The following WFDC13 variants were observed in gnomAD, a reference collection of about 807,000 sequenced individuals.
WFDC13 encodes the protein WAP four-disulfide core domain 13, also known as WAP four-disulfide core domain protein 13.
A neutral mutation model predicts 10.9 loss-of-function variants in WFDC13; 6 were observed. That is an observed-to-expected ratio of 0.55 (90% confidence interval 0.30 to 1.09). The LOEUF (loss-of-function observed/expected upper bound fraction) is 1.09, where lower values mean the gene tolerates loss of function less well. Among genes scored for constraint, WFDC13 ranks in the 50% least tolerant of loss-of-function variants. The probability of loss-of-function intolerance (pLI) is 0.06; values close to 1 mark genes in which losing one functional copy is unlikely to be tolerated. For synonymous variants in WFDC13, 38 were observed against 39.5 expected, an observed-to-expected ratio of 0.96 and a Z score of 0.14; for missense variants, 104 against 109.6, an observed-to-expected ratio of 0.95 and a Z score of 0.23.
Position 45,702,139 on chromosome 20 carries a change from C to T in WFDC13, c.16C>T (p.Pro6Ser). The change falls in exon 1 of 4, where the codon CCT becomes TCT. Residue 6 changes from proline (P) to serine (S), a missense_variant. Transcript: ENST00000305479. MKPVLPLQFLVVFCLA... is the reference protein window; with the variant it reads MKPVLSLQFLVVFCLA... ...CACTGACACCATGAAGCCTGTGCTGCCTCTCCAGTTCCTGGTGGTGTTCTG... is the reference window on the plus strand; with the variant it reads ...CACTGACACCATGAAGCCTGTGCTGTCTCTCCAGTTCCTGGTGGTGTTCTG... 6.2e-7 allele frequency: 1 copy of T among 1,613,292 alleles called. No homozygotes were observed. The highest frequency in any genetic ancestry group is 8.5e-7 in the Non-Finnish European group (1 of 1,179,692).
intron 3 of WFDC13, among the ~76,000 whole-genome samples, chr20:45,707,472 A>C (rs932273168): frequency 1.3e-5 from 2 of 152,082 alleles, no homozygotes; most frequent in Non-Finnish European, 2.9e-5. Context: ...GAATTACAAT[A>C]AAATAAAATA....
chr20:45,704,948 ATTTGTCCTACAC>A (rs768247886), intron 2 of WFDC13: 1 of 1,613,796 alleles, frequency 6.2e-7, no homozygotes, highest in African/African-American at 1.3e-5. Context: ...CCAAAGCAAA[ATTTGTCCTACAC>A]TTTTGCTTGC....
At chr20:45,707,671 C>T (rs1034696361) in intron 3 of WFDC13, among the ~76,000 whole-genome samples, 187 bp from the exon 4 acceptor site, 3 of 152,166 alleles carry the variant, frequency 2.0e-5, no homozygotes, top group Non-Finnish European at 4.4e-5. Flanking sequence ...AGAGGACACC[C>T]TCTATGACAG....
rs751647034 is a variant in WFDC13 at position 45,704,955 on chromosome 20, C to G, written c.239+361C>G. ...CCAAAATCCCAAAGCAAAATTTGTC[C>G]TACACTTTTGCTTGCCCTCCTTTCA... is the stretch of plus-strand genomic sequence containing the variant. On this transcript the variant is annotated intron_variant, in intron 2 of 3. Coordinates refer to ENST00000305479, the MANE Select transcript of WFDC13 (RefSeq NM_172005.2). 3.1e-6 allele frequency: 5 copies of G among 1,614,002 alleles called. No individual in the cohort carries two copies. In the Admixed American group the frequency reaches 6.7e-5, roughly 22 times the overall value.
At chr20:45,707,530 C>T (rs1825162008) in intron 3 of WFDC13, among the ~76,000 whole-genome samples, 2 of 152,082 alleles carry the variant, frequency 1.3e-5, no homozygotes, top group African/African-American at 2.4e-5. Context: ...GTTTAATAAC[C>T]ACATGTGGTT....
At chr20:45,706,991 G>A (rs2145647488) in intron 3 of WFDC13, among the ~76,000 whole-genome samples, 1 of 152,336 alleles carries the variant, frequency 6.6e-6, no homozygotes, top group East Asian at 1.9e-4. Flanking sequence ...TAGAATGGTG[G>A]TCTTTCAGCT....
In WFDC13 at chr20:45,702,181, G is replaced by A. The variant is rs1490403647; in HGVS notation, c.58G>A (p.Val20Met). The change falls in exon 1 of 4, where the codon GTG becomes ATG. Residue 20 changes from valine (V) to methionine (M), a missense_variant. Physicochemically the swap from Val to Met is conservative, Grantham distance 21 (BLOSUM62 1). Transcript: ENST00000305479. Reference protein sequence around the residue: ...LVVFCLALQLVPGSPKQRVLK... With the variant: ...LVVFCLALQLMPGSPKQRVLK... ...GGTGTTCTGCCTAGCACTGCAGCTG[G>A]TGCCTGGGAGTCCCAAGCAGCGTGT... 1.9e-6 allele frequency: 3 copies of A among 1,613,172 alleles called. No individual in the cohort carries two copies. Among genetic ancestry groups the A allele is most frequent in the Middle Eastern group, 1.6e-4 (1 of 6,062 alleles).
chr20:45,704,487 CTG>C lies in WFDC13; in HGVS notation c.134_135del (p.Cys45TyrfsTer54). On this transcript the variant is annotated frameshift_variant, in exon 2 of 4. Coordinates refer to ENST00000305479, the MANE Select transcript of WFDC13 (RefSeq NM_172005.2). LOFTEE classifies it high-confidence loss of function. ...CACCCTGCATATCAGCACCTGAAAA[CTG>C]TACTCACCTGTGTACAATGCAGGAA... ...PPPCISAPEN[C>X]THLCTMQEDC... 2 of 1,614,092 alleles carry C rather than the reference CTG, an allele frequency of 1.2e-6. No homozygotes were observed. The highest frequency in any genetic ancestry group is 1.7e-6 in the Non-Finnish European group (2 of 1,179,990).
intron 3 of WFDC13, among the ~76,000 whole-genome samples, chr20:45,706,771 C>CAA (rs11362047): frequency 7.2e-6 from 1 of 138,184 alleles, no homozygotes. Flanking sequence ...GACTCCGTCT[C>CAA]AAAAAAAAAA....
At position 45,704,520 on chromosome 20, in the gene WFDC13, C is replaced by A. The variant is rs757477429; in HGVS notation, c.165C>A (p.Cys55Ter). ...CTHLCTMQED[C>*]EKGFQCCSSF... ...ACCTGTGTACAATGCAGGAAGATTG[C>A]GAGAAAGGATTTCAGTGCTGTTCCT... The change falls in exon 2 of 4, where the codon TGC becomes TGA. Residue 55 changes from cysteine to a stop codon, truncating the protein, a stop_gained. Coordinates refer to ENST00000305479, the MANE Select transcript of WFDC13 (RefSeq NM_172005.2). LOFTEE classifies it high-confidence loss of function. The A allele has an allele frequency of 3.7e-6, 6 of 1,614,006 alleles. No homozygotes were observed. Among genetic ancestry groups the A allele is most frequent in the African/African-American group, 1.3e-5 (1 of 74,898 alleles).
chr20:45,707,590 T>C lies in WFDC13; in HGVS notation c.*23-268T>C, dbSNP rs1417279356. Among the ~76,000 whole-genome samples the C allele has an allele frequency of 3.9e-5, 6 of 152,374 alleles. No individual in the cohort carries two copies. In the South Asian group the frequency reaches 1.0e-3, roughly 26 times the overall value. On this transcript the variant is annotated intron_variant, in intron 3 of 3. Coordinates refer to ENST00000305479, the MANE Select transcript of WFDC13 (RefSeq NM_172005.2). ...AAATACAGAACACAGAAAGTTCTAATGGAAAGCATTGCTTTAAGCTACATA... is the reference window on the plus strand; with the variant it reads ...AAATACAGAACACAGAAAGTTCTAACGGAAAGCATTGCTTTAAGCTACATA...
chr20:45,704,621 G>T, intron 2 of WFDC13, 27 bp downstream of exon 2: 2 of 1,611,142 alleles, frequency 1.2e-6, no homozygotes, highest in South Asian at 1.1e-5. Context: ...ATCCAGGTCT[G>T]ATCCTAGAGC....
intron 3 of WFDC13, 79 bp downstream of exon 3, chr20:45,706,006 G>C (rs762111383): frequency 4.8e-6 from 6 of 1,241,482 alleles, no homozygotes; most frequent in Non-Finnish European, 5.8e-6. Flanking sequence ...GCCTCACCAG[G>C]GGCACTACAT....
At chr20:45,707,830 T>C (rs1316521017) in intron 3 of WFDC13, 28 bp from the exon 4 acceptor site, 1 of 152,232 alleles carries the variant, frequency 6.6e-6, no homozygotes, top group Non-Finnish European at 1.5e-5. Flanking sequence ...GAAGAATAAA[T>C]GGACTAATTA....
At chr20:45,705,128 G>T in intron 2 of WFDC13, 1 of 786,976 alleles carries the variant, frequency 1.3e-6, no homozygotes, top group Non-Finnish European at 2.2e-6. Context: ...ATAGGGTGCT[G>T]ATGAGACATA....
At chr20:45,702,262 G>T in intron 1 of WFDC13, 51 bp downstream of exon 1, 1 of 1,542,306 alleles carries the variant, frequency 6.5e-7, no homozygotes, top group South Asian at 1.2e-5. Context: ...GTGGATAGGA[G>T]AGGATCTGAG....
chr20:45,707,344 C>G (rs6130899), intron 3 of WFDC13, among the ~76,000 whole-genome samples: 1 of 152,156 alleles, frequency 6.6e-6, no homozygotes, highest in African/African-American at 2.4e-5. Context: ...TCGAGTTGAC[C>G]TGAGTGAGGC....
Position 45,705,934 on chromosome 20 carries a change from A to G in WFDC13, c.*22+7A>G, listed in dbSNP as rs763651196. On this transcript the variant is annotated splice_region_variant and intron_variant, in intron 3 of 3. Transcript: ENST00000305479. Reference sequence around the variant, plus strand: ...ATATTTCCTAGATCATTTTGTAAGTACAGGGATTTGGTCTCGCCTTCCTCA... The same window carrying G: ...ATATTTCCTAGATCATTTTGTAAGTGCAGGGATTTGGTCTCGCCTTCCTCA... 23 of 1,613,360 alleles carry G rather than the reference A, an allele frequency of 1.4e-5. No individual in the cohort carries two copies. Among genetic ancestry groups the G allele is most frequent in the Non-Finnish European group, 2.0e-5 (23 of 1,179,448 alleles).
At chr20:45,707,487 A>C (rs1984443533) in intron 3 of WFDC13, among the ~76,000 whole-genome samples, 1 of 152,184 alleles carries the variant, frequency 6.6e-6, no homozygotes, top group African/African-American at 2.4e-5. Flanking sequence ...AAAATATTCA[A>C]TCAGTTCCTT....
Sources: allele counts gnomAD v4.1 joint callset (sites outside exome capture counted in the v4.1 genomes callset), GRCh38; gene constraint gnomAD v4.1.1; transcripts MANE v1.5; gene names NCBI Gene and HGNC (gene_info 2026-07-23, HGNC 2026-07-21).